Variants in RPL24 observed in about 807,000 individuals in gnomAD.
The protein encoded by RPL24 is ribosomal protein L24.
A neutral mutation model predicts 26.4 loss-of-function variants in RPL24; 7 were observed. The ratio of observed to expected loss-of-function variants is 0.27; its 90% CI spans 0.15 to 0.50. The LOEUF is 0.50. RPL24 is among the 20% of genes least tolerant of loss of function. The probability of loss-of-function intolerance (pLI) is 0.98; values close to 1 mark genes in which losing one functional copy is unlikely to be tolerated. For synonymous variants in RPL24, 67 were observed against 65.2 expected (o/e 1.03, Z -0.13); for missense variants, 109 against 194.9 (o/e 0.56, Z 2.62).
At chr3:101,685,219 C>G (rs1358018268) in intron 3 of RPL24, among the ~76,000 whole-genome samples, 1 of 151,888 alleles carries the variant, frequency 6.6e-6, no homozygotes, top group Non-Finnish European at 1.5e-5. Flanking sequence ...TGTGTCATAT[C>G]CACTTTTAAG....
intron 3 of RPL24, among the ~76,000 whole-genome samples, chr3:101,683,875 C>A (rs1490892126): frequency 6.6e-6 from 1 of 151,916 alleles, no homozygotes; most frequent in Non-Finnish European, 1.5e-5. Flanking sequence ...CCACGCCCGG[C>A]TAATTTTTGT....
chr3:101,682,302 G>A, intron 5 of RPL24, 127 bp downstream of exon 5: 1 of 758,800 alleles, frequency 1.3e-6, no homozygotes, highest in Non-Finnish European at 2.3e-6. Flanking sequence ...GGAGGCAGAG[G>A]TTGCAGTGAG....
intron 4 of RPL24, 101 bp downstream of exon 4, chr3:101,682,670 G>T: frequency 3.1e-6 from 4 of 1,295,132 alleles, no homozygotes; most frequent in Non-Finnish European, 4.4e-6. Context: ...CACCAAATCA[G>T]CTTAACATAT....
intron 1 of RPL24, 40 bp downstream of exon 1, chr3:101,686,632 C>T (rs772829430): frequency 1.2e-6 from 2 of 1,614,178 alleles, no homozygotes; most frequent in South Asian, 2.2e-5. Context: ...GAGTTCTGCC[C>T]GAGGATGTAA....
rs371286950 is a variant in RPL24 at position 101,686,682 on chromosome 3, C to G, written c.-6G>C. The G allele has an allele frequency of 6.2e-7, 1 of 1,614,240 alleles. No homozygotes were observed. ...ACGGGTCGTGCTTACTTCATGGCGA[C>G]AGCTCCACGGAAAGACAAAAGATGG... On this transcript the variant is annotated 5_prime_UTR_variant, in exon 1 of 6. Coordinates refer to ENST00000394077, the MANE Select transcript of RPL24 (RefSeq NM_000986.4).
chr3:101,683,022 C>A, intron 3 of RPL24, 115 bp from the exon 4 acceptor site: 5 of 901,544 alleles, frequency 5.5e-6, no homozygotes, highest in African/African-American at 1.7e-5. Flanking sequence ...TCATATTCAA[C>A]AAAAAATAAT....
chr3:101,681,254 T>A (rs998409473), intron 5 of RPL24, 39 bp from the exon 6 acceptor site: 1 of 1,418,164 alleles, frequency 7.1e-7, no homozygotes, highest in Non-Finnish European at 1.0e-6. Flanking sequence ...ACAAAACTTT[T>A]GTTACCCTAT....
chr3:101,684,776 C>CAAAAA lies in RPL24; in HGVS notation c.192+1037_192+1041dup, dbSNP rs57278210. Among the ~76,000 whole-genome samples the CAAAAA allele has an allele frequency of 3.5e-3, 184 of 53,208 alleles. 23 individuals are homozygous for CAAAAA. Among genetic ancestry groups the CAAAAA allele is most frequent in the Non-Finnish European group, 4.8e-3 (150 of 31,348 alleles). The allele number at this position is 53,208 out of a possible 152,430, so 34.9% of individuals were successfully genotyped here. A position where few individuals can be genotyped will look rare whatever the true frequency, so the allele number is the denominator to read the frequency against. ...CTGAGCAACAGAGGACCTGTCTCCC[C>CAAAAA]AAAAAAAAAAAAAAAAAAAAAAAAA... On this transcript the variant is annotated intron_variant, in intron 3 of 5. Coordinates refer to ENST00000394077, the MANE Select transcript of RPL24 (RefSeq NM_000986.4).
chr3:101,685,219 C>T (rs1358018268), intron 3 of RPL24, among the ~76,000 whole-genome samples: 11 of 152,004 alleles, frequency 7.2e-5, no homozygotes, highest in Non-Finnish European at 1.2e-4. Flanking sequence ...TGTGTCATAT[C>T]CACTTTTAAG....
chr3:101,683,707 C>CTTTTT (rs541871888), intron 3 of RPL24, among the ~76,000 whole-genome samples: 2 of 130,870 alleles, frequency 1.5e-5, no homozygotes. Flanking sequence ...TTTTTCTTTT[C>CTTTTT]TTTTTTTTTT....
At chr3:101,685,530 G>C (rs1260711752) in intron 3 of RPL24, among the ~76,000 whole-genome samples, 3 of 152,102 alleles carry the variant, frequency 2.0e-5, no homozygotes, top group African/African-American at 7.2e-5. Context: ...CCAAATTATG[G>C]TAACTTCTCA....
chr3:101,684,843 G>A (rs889055517), intron 3 of RPL24, among the ~76,000 whole-genome samples: 49 of 133,718 alleles, frequency 3.7e-4, no homozygotes, highest in Non-Finnish European at 6.0e-4. Context: ...CATTCATAGC[G>A]CTGTGTAGCT....
intron 3 of RPL24, among the ~76,000 whole-genome samples, chr3:101,684,776 CAAA>C (rs57278210): frequency 5.1e-4 from 27 of 53,196 alleles, no homozygotes; most frequent in African/African-American, 1.2e-3. Context: ...CCTGTCTCCC[CAAA>C]AAAAAAAAAA....
intron 3 of RPL24, 45 bp from the exon 4 acceptor site, chr3:101,682,952 G>T (rs1449854811): frequency 6.4e-6 from 10 of 1,558,126 alleles, no homozygotes; most frequent in Non-Finnish European, 8.7e-6. Flanking sequence ...CTTCCTTCAA[G>T]AATTTAGAGG....
At chr3:101,682,397 T>C (rs770625702) in intron 5 of RPL24, 32 bp downstream of exon 5, 14 of 1,568,990 alleles carry the variant, frequency 8.9e-6, no homozygotes, top group African/African-American at 2.7e-5. Context: ...CCTGTTGTAT[T>C]GTTCAAGAAA....
chr3:101,682,340 C>T, intron 5 of RPL24, 89 bp downstream of exon 5: 1 of 1,027,244 alleles, frequency 9.7e-7, no homozygotes, highest in Non-Finnish European at 1.5e-6. Context: ...CACTGCACCC[C>T]ATCCTGGGCA....
chr3:101,682,978 CTT>C, intron 3 of RPL24, 71 bp from the exon 4 acceptor site: 2 of 1,398,316 alleles, frequency 1.4e-6, no homozygotes, highest in Non-Finnish European at 2.0e-6. Flanking sequence ...AAAATTAAGT[CTT>C]TTAAGACAGG....
intron 4 of RPL24, 117 bp from the exon 5 acceptor site, chr3:101,682,609 C>T (rs1937277722): frequency 1.8e-6 from 2 of 1,118,926 alleles, no homozygotes; most frequent in African/African-American, 1.6e-5. Context: ...TTCCCTACCT[C>T]CATTTATTTG....
At chr3:101,686,428 A>G (rs1576659944) in intron 2 of RPL24, 54 bp downstream of exon 2, 2 of 1,521,598 alleles carry the variant, frequency 1.3e-6, no homozygotes, top group East Asian at 4.6e-5. Context: ...GAATTAAACC[A>G]GCCTTTCCTC....
Sources: gnomAD v4.1 joint callset for allele counts (sites outside exome capture counted in the v4.1 genomes callset) on GRCh38, gnomAD v4.1.1 for gene constraint, MANE v1.5 for transcripts, NCBI Gene and HGNC (gene_info 2026-07-23, HGNC 2026-07-21) for gene names.